The following ARHGEF28 variants were observed in gnomAD, a reference collection of about 807,000 sequenced individuals.
ARHGEF28 encodes Rho guanine nucleotide exchange factor 28.
Under a neutral mutation model 206.6 loss-of-function variants are expected in ARHGEF28, and 152 were observed. The ratio of observed to expected loss-of-function variants is 0.74; its 90% CI spans 0.64 to 0.84. The LOEUF (loss-of-function observed/expected upper bound fraction) is 0.84. Ranked by LOEUF, ARHGEF28 falls within the 40% of genes least tolerant of loss-of-function variation. The pLI, the probability that ARHGEF28 is intolerant of heterozygous loss-of-function variation, is 0.00. For synonymous variants in ARHGEF28, 763 were observed against 776.4 expected, an observed-to-expected ratio of 0.98 and a Z score of 0.29; for missense variants, 2,028 against 2,073.2, an observed-to-expected ratio of 0.98 and a Z score of 0.42.
intron 3 of ARHGEF28, among the ~76,000 whole-genome samples, chr5:73,751,528 C>T (rs953623962): frequency 4.6e-5 from 7 of 152,252 alleles, no homozygotes; most frequent in Non-Finnish European, 8.8e-5. Flanking sequence ...TCGTTTTGCT[C>T]CCTTTTCTTG....
intron 2 of ARHGEF28, among the ~76,000 whole-genome samples, chr5:73,685,526 G>A (rs1367887672): frequency 6.6e-6 from 1 of 152,216 alleles, no homozygotes; most frequent in Non-Finnish European, 1.5e-5. Context: ...GTGTTGGTGT[G>A]AGGTGGGGCC....
At chr5:73,645,753 G>A (rs923720764) in intron 1 of ARHGEF28, among the ~76,000 whole-genome samples, 30 of 151,960 alleles carry the variant, frequency 2.0e-4, no homozygotes, top group Admixed American at 5.2e-4. Context: ...TCCCCTAGAG[G>A]TCTTGTGCAT....
chr5:73,642,728 G>A (rs963952753), intron 1 of ARHGEF28, among the ~76,000 whole-genome samples: 1 of 151,836 alleles, frequency 6.6e-6, no homozygotes, highest in Non-Finnish European at 1.5e-5. Context: ...TCACTCCCAG[G>A]GTACAGACAG....
intron 1 of ARHGEF28, among the ~76,000 whole-genome samples, chr5:73,678,633 A>G (rs1387777982): frequency 6.6e-6 from 1 of 152,146 alleles, no homozygotes; most frequent in East Asian, 1.9e-4. Flanking sequence ...CACTGTGTAA[A>G]TACATAACTA....
intron 9 of ARHGEF28, among the ~76,000 whole-genome samples, chr5:73,828,568 A>G (rs1315647727): frequency 8.0e-6 from 1 of 124,440 alleles, no homozygotes. Context: ...ACATGGGCTA[A>G]GCCACCTTTT....
chr5:73,734,206 G>A lies in ARHGEF28; in HGVS notation c.34-15631G>A, dbSNP rs546925887. On this transcript the variant is annotated intron_variant, in intron 2 of 35. Transcript: ENST00000513042. ...AAGGGGCATAAATTGGTAAAATGAA[G>A]GCCTGTAGTGTTGGCAGAGAGAAAA... Among the ~76,000 whole-genome samples, 41 of 152,226 alleles carry A rather than the reference G, an allele frequency of 2.7e-4. 1 individual carries two copies. Among genetic ancestry groups the A allele is most frequent in the African/African-American group, 9.6e-4 (40 of 41,532 alleles).
chr5:73,790,478 T>G (rs1754415757), intron 7 of ARHGEF28, among the ~76,000 whole-genome samples: 1 of 152,148 alleles, frequency 6.6e-6, no homozygotes, highest in Admixed American at 6.6e-5. Context: ...AGGCCAAGGA[T>G]TTCTTCCATC....
At chr5:73,885,800 CTGGTTTAT>C in intron 24 of ARHGEF28, 42 bp from the exon 25 acceptor site, 1 of 1,529,374 alleles carries the variant, frequency 6.5e-7, no homozygotes, top group Non-Finnish European at 8.8e-7. Context: ...CCTTAGTACT[CTGGTTTAT>C]TGTATAGTAT....
intron 33 of ARHGEF28, among the ~76,000 whole-genome samples, chr5:73,906,744 C>T (rs1300947518): frequency 1.3e-5 from 2 of 151,786 alleles, no homozygotes; most frequent in Non-Finnish European, 2.9e-5. Flanking sequence ...ATTTTTTTCA[C>T]TAAGTTTATT....
intron 10 of ARHGEF28, among the ~76,000 whole-genome samples, chr5:73,839,173 A>G (rs1757834937): frequency 2.0e-5 from 3 of 152,180 alleles, no homozygotes; most frequent in African/African-American, 7.2e-5. Flanking sequence ...TAGGACATCA[A>G]TCTGTCCCAT....
intron 4 of ARHGEF28, among the ~76,000 whole-genome samples, chr5:73,772,070 C>T (rs1753255716): frequency 6.6e-6 from 1 of 152,058 alleles, no homozygotes; most frequent in South Asian, 2.1e-4. Flanking sequence ...AGTATAATGC[C>T]TTACATTCAT....
At chr5:73,690,212 G>A (rs1747728601) in intron 2 of ARHGEF28, among the ~76,000 whole-genome samples, 1 of 152,044 alleles carries the variant, frequency 6.6e-6, no homozygotes, top group Non-Finnish European at 1.5e-5. Context: ...TGCTTACTGG[G>A]CATTTAATTA....
At chr5:73,719,708 C>T (rs530549321) in intron 2 of ARHGEF28, among the ~76,000 whole-genome samples, 1 of 152,320 alleles carries the variant, frequency 6.6e-6, no homozygotes, top group South Asian at 2.1e-4. Context: ...TAGTAGATGT[C>T]AGTGATTCAT....
rs372316670 is a variant in ARHGEF28 at position 73,881,631 on chromosome 5, G to A, written c.2815-841G>A. On this transcript the variant is annotated intron_variant, in intron 22 of 35. Coordinates refer to ENST00000513042, the MANE Select transcript of ARHGEF28 (RefSeq NM_001177693.2). ...AGATGAAAAGACCAGAGGTCGTGAT[G>A]TAAATTTTAAGTACTTTTAAGAGGG... Among the ~76,000 whole-genome samples, 310 of 152,312 alleles carry A rather than the reference G, an allele frequency of 2.0e-3. 1 individual carries two copies. The highest frequency in any genetic ancestry group is 7.2e-3 in the African/African-American group (299 of 41,574).
Position 73,887,612 on chromosome 5 carries a change from C to T in ARHGEF28, c.3320C>T (p.Ala1107Val). The T allele has an allele frequency of 1.3e-6, 2 of 1,565,108 alleles. No homozygotes were observed. Among genetic ancestry groups the T allele is most frequent in the Non-Finnish European group, 8.7e-7 (1 of 1,153,934 alleles). Reference protein sequence around the residue: ...TATGRFKDILALLLTDVLLFL... With the variant: ...TATGRFKDILVLLLTDVLLFL... ...TGTTTTTTCTTTAAAGATATCCTAG[C>T]TCTACTTCTAACTGATGTGCTGCTC... is the stretch of plus-strand genomic sequence containing the variant. The change falls in exon 26 of 36, where the codon GCT (alanine) becomes GTT (valine). Residue 1107 changes from alanine (A) to valine (V), a missense_variant. Physicochemically the swap from Ala to Val is moderately conservative, Grantham distance 64. This residue lies in a region of ARHGEF28 where 803 missense variants were observed against 768.0 expected (regional missense o/e 1.05). Coordinates refer to ENST00000513042, the MANE Select transcript of ARHGEF28 (RefSeq NM_001177693.2).
chr5:73,906,383 C>T (rs983924655), intron 33 of ARHGEF28, among the ~76,000 whole-genome samples: 11 of 152,144 alleles, frequency 7.2e-5, no homozygotes, highest in African/African-American at 2.2e-4. Context: ...AGACTATAGG[C>T]GTGTGCCACC....
At chr5:73,885,695 G>A (rs935751718) in intron 24 of ARHGEF28, among the ~76,000 whole-genome samples, 155 bp from the exon 25 acceptor site, 1 of 151,880 alleles carries the variant, frequency 6.6e-6, no homozygotes, top group Non-Finnish European at 1.5e-5. Context: ...GCCCAGGCTA[G>A]GAATTTAAGT....
At position 73,847,292 on chromosome 5, in the gene ARHGEF28, A is replaced by C. The variant is rs78739303; in HGVS notation, c.1635+817A>C. On this transcript the variant is annotated intron_variant, in intron 12 of 35. Transcript: ENST00000513042. ...AATATGTTTTATGTATGTACAAAATATATAATTGCCTCATAACTCACCTAT... is the reference window on the plus strand; with the variant it reads ...AATATGTTTTATGTATGTACAAAATCTATAATTGCCTCATAACTCACCTAT... Among the ~76,000 whole-genome samples the C allele has an allele frequency of 2.5e-3, 384 of 152,328 alleles. 11 individuals carry two copies. In the East Asian group the frequency reaches 0.066, roughly 26 times the overall value.
chr5:73,927,909 G>A (rs936615368), intron 35 of ARHGEF28, among the ~76,000 whole-genome samples: 3 of 152,150 alleles, frequency 2.0e-5, no homozygotes, highest in African/African-American at 4.8e-5. Context: ...AATCATTTAC[G>A]AGTGACAAAC....
Sources: allele counts gnomAD v4.1 joint callset (sites outside exome capture counted in the v4.1 genomes callset), GRCh38; gene constraint gnomAD v4.1.1; regional missense constraint gnomAD v4.1.1; transcripts MANE v1.5; gene names NCBI Gene and HGNC (gene_info 2026-07-23, HGNC 2026-07-21).